The following GALNTL6 variants were observed in gnomAD, a reference collection of about 807,000 sequenced individuals.
The protein encoded by GALNTL6 is polypeptide N-acetylgalactosaminyltransferase like 6, also known as polypeptide N-acetylgalactosaminyltransferase-like 6.
GALNTL6 carries 46 observed loss-of-function variants against 73.7 expected under a neutral mutation model. That is an observed-to-expected ratio of 0.62 (90% CI 0.49 to 0.80). The LOEUF (loss-of-function observed/expected upper bound fraction) is 0.80, where lower values mean the gene tolerates loss of function less well. Ranked by LOEUF, GALNTL6 falls within the 30% of genes least tolerant of loss-of-function variation. The pLI, the probability that GALNTL6 is intolerant of heterozygous loss-of-function variation, is 0.00. For synonymous variants in GALNTL6, 259 were observed against 263.7 expected (o/e 0.98, Z 0.17); for missense variants, 604 against 755.0 (o/e 0.80, Z 2.34).
chr4:172,660,195 A>G (rs1192838966), intron 5 of GALNTL6, among the ~76,000 whole-genome samples: 5 of 152,238 alleles, frequency 3.3e-5, no homozygotes, highest in African/African-American at 1.2e-4. Flanking sequence ...GTCATTTTGA[A>G]GAATTATAAA....
At chr4:172,410,534 G>T (rs940534334) in intron 5 of GALNTL6, among the ~76,000 whole-genome samples, 2 of 152,068 alleles carry the variant, frequency 1.3e-5, no homozygotes, top group Non-Finnish European at 1.5e-5. Flanking sequence ...TATAGGAAAT[G>T]TGACTTACTA....
At chr4:172,293,318 G>A (rs971196786) in intron 3 of GALNTL6, among the ~76,000 whole-genome samples, 1 of 151,986 alleles carries the variant, frequency 6.6e-6, no homozygotes, top group African/African-American at 2.4e-5. Context: ...AGCATCATGT[G>A]CAATTACATA....
chr4:172,308,491 T>C (rs1298215055), intron 3 of GALNTL6, among the ~76,000 whole-genome samples: 1 of 152,126 alleles, frequency 6.6e-6, no homozygotes, highest in East Asian at 1.9e-4. Context: ...TTTTATTACC[T>C]TGAGGTATGT....
intron 8 of GALNTL6, among the ~76,000 whole-genome samples, chr4:172,915,029 T>C (rs573247786): frequency 7.2e-5 from 11 of 152,016 alleles, no homozygotes; most frequent in Non-Finnish European, 1.3e-4. Context: ...TGTAAAACAA[T>C]AGAAATTATA....
chr4:172,264,572 ATATATATATATATATATATATT>A (rs1281470050), intron 3 of GALNTL6, among the ~76,000 whole-genome samples: 4 of 82,058 alleles, frequency 4.9e-5, no homozygotes, highest in East Asian at 2.8e-4. Flanking sequence ...ATATATATAT[ATATATATATATATATATATATT>A]TGGCATATAT....
At chr4:172,476,685 A>C (rs1733247186) in intron 5 of GALNTL6, among the ~76,000 whole-genome samples, 1 of 152,100 alleles carries the variant, frequency 6.6e-6, no homozygotes, top group East Asian at 1.9e-4. Flanking sequence ...TGATACCTTA[A>C]ACATAAAAAC....
chr4:172,550,775 T>G (rs1735927882), intron 5 of GALNTL6, among the ~76,000 whole-genome samples: 1 of 152,082 alleles, frequency 6.6e-6, no homozygotes, highest in Admixed American at 6.6e-5. Context: ...TTGCAAATAT[T>G]TTCTCTGAAT....
At chr4:171,845,243 A>T (rs1209780643) in intron 2 of GALNTL6, among the ~76,000 whole-genome samples, 2 of 152,158 alleles carry the variant, frequency 1.3e-5, no homozygotes, top group African/African-American at 4.8e-5. Context: ...TGGAGGACAA[A>T]ATTCTTGCTG....
chr4:172,895,383 G>GTT (rs1445030498), intron 8 of GALNTL6, among the ~76,000 whole-genome samples: 2 of 132,330 alleles, frequency 1.5e-5, no homozygotes, highest in East Asian at 2.0e-4. Flanking sequence ...TAGTGTTTTT[G>GTT]TTATATATAT....
intron 5 of GALNTL6, among the ~76,000 whole-genome samples, chr4:172,404,164 G>T (rs564500909): frequency 6.6e-6 from 1 of 151,678 alleles, no homozygotes; most frequent in Non-Finnish European, 1.5e-5. Flanking sequence ...TTAAAATAAG[G>T]TTGCCAGATG....
chr4:171,872,526 G>A (rs1172261462), intron 2 of GALNTL6, among the ~76,000 whole-genome samples: 2 of 152,082 alleles, frequency 1.3e-5, no homozygotes, highest in African/African-American at 4.8e-5. Flanking sequence ...AACACAAACT[G>A]AGTGACTTCA....
At chr4:172,382,677 G>A (rs777559945) in intron 5 of GALNTL6, among the ~76,000 whole-genome samples, 3 of 151,978 alleles carry the variant, frequency 2.0e-5, no homozygotes, top group African/African-American at 7.3e-5. Flanking sequence ...TTAACAAAAC[G>A]TCATGCAAAG....
At chr4:173,002,653 G>A (rs749061001) in intron 10 of GALNTL6, among the ~76,000 whole-genome samples, 35 of 151,790 alleles carry the variant, frequency 2.3e-4, no homozygotes, top group Non-Finnish European at 4.6e-4. Context: ...AAATTAGCCA[G>A]GCGTGGTGGT....
intron 2 of GALNTL6, among the ~76,000 whole-genome samples, chr4:172,153,811 T>TC (rs1199710548): frequency 2.6e-5 from 4 of 152,192 alleles, no homozygotes; most frequent in African/African-American, 9.7e-5. Context: ...CTCCTGAGGA[T>TC]CTTTCATGAC....
intron 4 of GALNTL6, among the ~76,000 whole-genome samples, chr4:172,339,255 CACCACACACACACACA>C (rs1741460865): frequency 2.3e-5 from 3 of 128,386 alleles, no homozygotes; most frequent in South Asian, 2.5e-4. Context: ...CACACACACA[CACCACACACACACACA>C]CACACACACA....
chr4:172,961,705 G>C, intron 10 of GALNTL6, among the ~76,000 whole-genome samples: 1 of 152,270 alleles, frequency 6.6e-6, no homozygotes, highest in South Asian at 2.1e-4. Flanking sequence ...AAGAGGTTGA[G>C]GGATAGTGAG....
intron 11 of GALNTL6, among the ~76,000 whole-genome samples, chr4:173,012,875 C>A (rs1270658752): frequency 6.6e-6 from 1 of 152,152 alleles, no homozygotes; most frequent in African/African-American, 2.4e-5. Context: ...CGGTGACTCG[C>A]GCCTATAATC....
At chr4:171,964,288 C>T (rs1438261461) in intron 2 of GALNTL6, among the ~76,000 whole-genome samples, 7 of 152,024 alleles carry the variant, frequency 4.6e-5, no homozygotes, top group Admixed American at 4.6e-4. Context: ...TCTCAGACTC[C>T]TAGTGGTTCT....
intron 5 of GALNTL6, among the ~76,000 whole-genome samples, chr4:172,514,329 C>T (rs1470957553): frequency 1.3e-5 from 2 of 152,104 alleles, no homozygotes; most frequent in African/African-American, 2.4e-5. Flanking sequence ...ATTATGACTG[C>T]CTCTGCTGCA....
Sources: allele counts gnomAD v4.1 joint callset (sites outside exome capture counted in the v4.1 genomes callset), GRCh38; gene constraint gnomAD v4.1.1; transcripts MANE v1.5; gene names NCBI Gene and HGNC (gene_info 2026-07-23, HGNC 2026-07-21).